The following ST7L variants were observed in gnomAD, a reference collection of about 807,000 sequenced individuals.
The protein encoded by ST7L is suppressor of tumorigenicity 7 protein-like.
In ST7L, 57 loss-of-function variants were observed where a neutral mutation model predicts 72.5. The observed-to-expected ratio is 0.79, with a 90% CI of 0.64 to 0.98. The LOEUF is 0.98. Among genes scored for constraint, ST7L ranks in the 50% least tolerant of loss-of-function variants. The probability of loss-of-function intolerance (pLI) is 0.00; values close to 1 mark genes in which losing one functional copy is unlikely to be tolerated. For missense variants in ST7L, 576 were observed against 672.2 expected, an observed-to-expected ratio of 0.86 and a Z score of 1.58; for synonymous variants, 221 against 240.9, an observed-to-expected ratio of 0.92 and a Z score of 0.77.
At chr1:112,585,331 C>T (rs1278360742) in intron 6 of ST7L, among the ~76,000 whole-genome samples, 1 of 152,162 alleles carries the variant, frequency 6.6e-6, no homozygotes, top group African/African-American at 2.4e-5. Context: ...AAATGTGATG[C>T]GTCTGAATTG....
intron 5 of ST7L, among the ~76,000 whole-genome samples, chr1:112,594,506 A>G (rs1185391137): frequency 6.6e-6 from 1 of 152,222 alleles, no homozygotes; most frequent in Non-Finnish European, 1.5e-5. Context: ...CTTACTATCA[A>G]AGAATGGATT....
At chr1:112,592,775 G>C (rs1665897073) in intron 5 of ST7L, among the ~76,000 whole-genome samples, 1 of 152,006 alleles carries the variant, frequency 6.6e-6, no homozygotes. Context: ...ATTCCCTTTT[G>C]ATGGACAATT....
At chr1:112,565,294 G>T (rs1660840917) in intron 11 of ST7L, among the ~76,000 whole-genome samples, 1 of 130,310 alleles carries the variant, frequency 7.7e-6, no homozygotes, top group African/African-American at 2.9e-5. Flanking sequence ...GGTCTCAAAC[G>T]CCTAACCTCA....
intron 11 of ST7L, among the ~76,000 whole-genome samples, chr1:112,568,861 A>AATATATAT (rs377429784): frequency 7.0e-4 from 80 of 114,886 alleles, no homozygotes; most frequent in Middle Eastern, 3.9e-3. Context: ...TATAAATATA[A>AATATATAT]ATATATATAT....
chr1:112,592,061 T>C (rs942010247), intron 5 of ST7L, among the ~76,000 whole-genome samples: 1 of 151,890 alleles, frequency 6.6e-6, no homozygotes, highest in Middle Eastern at 3.2e-3. Flanking sequence ...ACGAAGAATG[T>C]ACGGGCTTGC....
At chr1:112,542,305 A>C (rs1191882696) in intron 13 of ST7L, among the ~76,000 whole-genome samples, 1 of 152,216 alleles carries the variant, frequency 6.6e-6, no homozygotes, top group Non-Finnish European at 1.5e-5. Context: ...GGGTGTGGGA[A>C]CAGGATGGCG....
intron 9 of ST7L, among the ~76,000 whole-genome samples, chr1:112,579,849 GTTTTA>G (rs1306961337): frequency 6.6e-6 from 1 of 152,086 alleles, no homozygotes; most frequent in African/African-American, 2.4e-5. Context: ...ATTAGTTTTA[GTTTTA>G]TTTTATTTTT....
intron 14 of ST7L, among the ~76,000 whole-genome samples, chr1:112,534,074 T>C (rs1225457870): frequency 6.6e-6 from 1 of 152,214 alleles, no homozygotes; most frequent in Non-Finnish European, 1.5e-5. Flanking sequence ...ATACTTGTCT[T>C]TGCAGTAAAC....
rs1653042915 is a variant in ST7L at position 112,524,018 on chromosome 1, A to G, written c.*1995T>C. On this transcript the variant is annotated 3_prime_UTR_variant, in exon 15 of 15. Transcript: ENST00000358039. ...CAGATTAAAAAAAAAAACAAAAAAC[A>G]AAAAACAAAAACAAACATTGCCTGG... 6.6e-6 allele frequency: 1 copy of G among 152,084 alleles called. No individual in the cohort carries two copies. Among genetic ancestry groups the G allele is most frequent in the Admixed American group, 6.5e-5 (1 of 15,268 alleles). 9.4% of individuals were successfully genotyped at this position (152,084 alleles called of 1,614,324 possible).
intron 3 of ST7L, among the ~76,000 whole-genome samples, chr1:112,604,359 T>C (rs906632623): frequency 1.3e-5 from 2 of 152,076 alleles, no homozygotes; most frequent in African/African-American, 4.8e-5. Context: ...TCTTAACTCA[T>C]TCCAGCATCA....
At chr1:112,569,580 T>C (rs1435285054) in intron 11 of ST7L, among the ~76,000 whole-genome samples, 1 of 152,212 alleles carries the variant, frequency 6.6e-6, no homozygotes, top group East Asian at 1.9e-4. Flanking sequence ...GTGGTAATGA[T>C]TTTACAACCT....
At chr1:112,598,912 T>C (rs896867180) in intron 4 of ST7L, among the ~76,000 whole-genome samples, 10 of 149,388 alleles carry the variant, frequency 6.7e-5, no homozygotes, top group Non-Finnish European at 8.9e-5. Context: ...ATACAAAAAT[T>C]AGCCGCATGT....
intron 13 of ST7L, among the ~76,000 whole-genome samples, chr1:112,542,716 C>G (rs1656327220): frequency 6.6e-6 from 1 of 151,790 alleles, no homozygotes; most frequent in Non-Finnish European, 1.5e-5. Flanking sequence ...GATCATTCCA[C>G]TGCACTCCAG....
chr1:112,531,350 T>C (rs1430451658), intron 14 of ST7L, among the ~76,000 whole-genome samples: 3 of 152,226 alleles, frequency 2.0e-5, no homozygotes, highest in African/African-American at 7.2e-5. Flanking sequence ...ATTATATTCA[T>C]ATAAACATTA....
At chr1:112,617,269 A>G (rs1670023007) in intron 1 of ST7L, 1 of 165,742 alleles carries the variant, frequency 6.0e-6, no homozygotes, top group Non-Finnish European at 1.3e-5. Context: ...AGGGAAGGAA[A>G]CAGCATATGT....
At chr1:112,568,866 AT>A (rs1284854464) in intron 11 of ST7L, among the ~76,000 whole-genome samples, 11 of 86,450 alleles carry the variant, frequency 1.3e-4, no homozygotes, top group South Asian at 2.8e-4. Context: ...ATATAAATAT[AT>A]ATATATATAT....
chr1:112,582,084 AGAG>A lies in ST7L; in HGVS notation c.974_976del (p.Pro325del), dbSNP rs764706004. 6.2e-7 allele frequency: 1 copy of A among 1,611,678 alleles called. No homozygotes were observed. The highest frequency in any genetic ancestry group is 1.7e-5 in the Admixed American group (1 of 59,992). On this transcript the variant is annotated inframe_deletion, in exon 9 of 15. Coordinates refer to ENST00000358039, the MANE Select transcript of ST7L (RefSeq NM_017744.5). The stretch of plus-strand genomic sequence containing the variant: ...ATTTTCATGGATGTTCAACATGGTA[AGAG>A]GAGGAAATTCTTTCATCAACTGTAT...
intron 8 of ST7L, 43 bp from the exon 9 acceptor site, chr1:112,582,149 G>A: frequency 7.1e-7 from 1 of 1,399,824 alleles, no homozygotes; most frequent in Non-Finnish European, 1.0e-6. Flanking sequence ...CATAACAAAG[G>A]AACTCAATAG....
At chr1:112,615,786 CTGGAG>C (rs1669771810) in intron 2 of ST7L, among the ~76,000 whole-genome samples, 1 of 152,062 alleles carries the variant, frequency 6.6e-6, no homozygotes, top group Non-Finnish European at 1.5e-5. Context: ...GTCGCCCAGG[CTGGAG>C]TGCAGTGGCA....
Sources: gnomAD v4.1 joint callset for allele counts (sites outside exome capture counted in the v4.1 genomes callset) on GRCh38, gnomAD v4.1.1 for gene constraint, MANE v1.5 for transcripts, NCBI Gene and HGNC (gene_info 2026-07-23, HGNC 2026-07-21) for gene names.